CHCHD3: variants seen among roughly 807,000 people sequenced by gnomAD.
CHCHD3 encodes the protein coiled-coil-helix-coiled-coil-helix domain containing 3.
Under a neutral mutation model 38.2 loss-of-function variants are expected in CHCHD3, and 20 were observed. The observed-to-expected ratio is 0.52, with a 90% CI of 0.37 to 0.76. The LOEUF (loss-of-function observed/expected upper bound fraction) is 0.76, where lower values mean the gene tolerates loss of function less well. Ranked by LOEUF, CHCHD3 falls within the 30% of genes least tolerant of loss-of-function variation. CHCHD3 has a pLI of 0.00. For missense variants in CHCHD3, 245 were observed against 279.2 expected (o/e 0.88, Z 0.87); for synonymous variants, 82 against 100.0 (o/e 0.82, Z 1.07).
intron 2 of CHCHD3, among the ~76,000 whole-genome samples, chr7:133,037,723 G>T (rs763076425): frequency 2.0e-5 from 3 of 152,164 alleles, no homozygotes; most frequent in Non-Finnish European, 2.9e-5. Flanking sequence ...TGAGGCAGGA[G>T]AATTGCTCAA....
chr7:132,821,065 A>G (rs1290387644), intron 6 of CHCHD3, among the ~76,000 whole-genome samples: 7 of 152,228 alleles, frequency 4.6e-5, no homozygotes, highest in Admixed American at 4.6e-4. Context: ...CTTTAAACAC[A>G]TGCTTTTAAG....
At chr7:132,902,522 C>T (rs1228362900) in intron 4 of CHCHD3, among the ~76,000 whole-genome samples, 1 of 152,146 alleles carries the variant, frequency 6.6e-6, no homozygotes, top group Admixed American at 6.5e-5. Flanking sequence ...TTTGCTGGGA[C>T]ATGGATGAAG....
chr7:133,048,685 C>T (rs1204010430), intron 2 of CHCHD3, among the ~76,000 whole-genome samples: 1 of 152,120 alleles, frequency 6.6e-6, no homozygotes, highest in Non-Finnish European at 1.5e-5. Flanking sequence ...CCCCCTAAAA[C>T]AATTGAAAAC....
intron 3 of CHCHD3, among the ~76,000 whole-genome samples, chr7:132,990,654 T>A (rs564424981): frequency 6.6e-6 from 1 of 152,140 alleles, no homozygotes; most frequent in Non-Finnish European, 1.5e-5. Context: ...ATCATTTACA[T>A]TGTTTTGCAC....
intron 3 of CHCHD3, among the ~76,000 whole-genome samples, chr7:133,005,826 T>C (rs1029869045): frequency 1.3e-5 from 2 of 152,244 alleles, no homozygotes; most frequent in African/African-American, 2.4e-5. Flanking sequence ...TATACATTTA[T>C]AGATAAGGTG....
chr7:132,946,389 T>C (rs1345658322), intron 4 of CHCHD3, among the ~76,000 whole-genome samples: 1 of 151,840 alleles, frequency 6.6e-6, no homozygotes, highest in Non-Finnish European at 1.5e-5. Flanking sequence ...AATCAGCCAG[T>C]TTTAAACTAC....
chr7:133,027,575 G>A (rs952556600), intron 2 of CHCHD3, among the ~76,000 whole-genome samples: 6 of 152,070 alleles, frequency 3.9e-5, no homozygotes, highest in Admixed American at 2.6e-4. Context: ...CTTTGGGAAA[G>A]GTATTAACCT....
chr7:132,998,743 T>C (rs772055368), intron 3 of CHCHD3, among the ~76,000 whole-genome samples: 1 of 152,166 alleles, frequency 6.6e-6, no homozygotes, highest in Non-Finnish European at 1.5e-5. Context: ...AATAATGACT[T>C]GTCTCCACAT....
intron 5 of CHCHD3, among the ~76,000 whole-genome samples, chr7:132,862,487 G>A (rs1223747558): frequency 2.6e-5 from 4 of 152,206 alleles, no homozygotes; most frequent in African/African-American, 9.6e-5. Context: ...ACTAAAAAAT[G>A]CTAACAATCA....
chr7:132,821,286 A>G (rs1460768744), intron 6 of CHCHD3, among the ~76,000 whole-genome samples: 1 of 152,234 alleles, frequency 6.6e-6, no homozygotes, highest in East Asian at 1.9e-4. Flanking sequence ...TAATTCCAAT[A>G]TAACAGCTCT....
At chr7:132,905,178 C>A (rs1363270818) in intron 4 of CHCHD3, among the ~76,000 whole-genome samples, 1 of 152,072 alleles carries the variant, frequency 6.6e-6, no homozygotes, top group East Asian at 1.9e-4. Flanking sequence ...AGCAAACCAA[C>A]ATGGCACATG....
intron 2 of CHCHD3, among the ~76,000 whole-genome samples, chr7:133,031,919 A>C (rs1207888465): frequency 6.6e-6 from 1 of 152,196 alleles, no homozygotes; most frequent in Non-Finnish European, 1.5e-5. Flanking sequence ...TTATAATTTC[A>C]ATAAATTCAT....
At position 132,859,348 on chromosome 7, in the gene CHCHD3, T is replaced by C. The variant is rs146248374; in HGVS notation, c.454-20879A>G. 3.1e-3 allele frequency among the ~76,000 whole-genome samples: 469 copies of C among 152,344 alleles called. 5 individuals are homozygous for C. The highest frequency in any genetic ancestry group is 0.011 in the African/African-American group (449 of 41,578). ...CAGCTGTCTGTGATGCCTTTGTGGA[T>C]ATCCAGACACTTGTTCTTAAATCTG... On this transcript the variant is annotated intron_variant, in intron 5 of 7. Coordinates refer to ENST00000262570, the MANE Select transcript of CHCHD3 (RefSeq NM_017812.4).
chr7:132,976,453 T>C (rs17166840), intron 3 of CHCHD3, among the ~76,000 whole-genome samples: 9,932 of 152,254 alleles, frequency 0.065, 785 homozygotes, highest in East Asian at 0.21. Flanking sequence ...AAAGATAAAT[T>C]ACTTTGGCAC....
At chr7:132,923,736 CCCA>C (rs1810313097) in intron 4 of CHCHD3, among the ~76,000 whole-genome samples, 1 of 152,040 alleles carries the variant, frequency 6.6e-6, no homozygotes, top group African/African-American at 2.4e-5. Flanking sequence ...GAAGATAGAC[CCCA>C]CCACCAATCT....
At chr7:132,985,891 G>A (rs1205848138) in intron 3 of CHCHD3, among the ~76,000 whole-genome samples, 3 of 119,840 alleles carry the variant, frequency 2.5e-5, no homozygotes, top group East Asian at 2.8e-4. Flanking sequence ...CCACCACCCC[G>A]TCTGGGAGGT....
At chr7:132,795,471 T>TAA (rs1433517967) in intron 7 of CHCHD3, among the ~76,000 whole-genome samples, 4 of 152,224 alleles carry the variant, frequency 2.6e-5, no homozygotes, top group Non-Finnish European at 4.4e-5. Flanking sequence ...CATAGGCTTT[T>TAA]AATAAATCTT....
intron 6 of CHCHD3, among the ~76,000 whole-genome samples, chr7:132,816,883 TAAA>T (rs1807213094): frequency 6.6e-6 from 1 of 152,042 alleles, no homozygotes; most frequent in Admixed American, 6.6e-5. Context: ...TTTCCCTAGA[TAAA>T]GAAGATCCGA....
intron 4 of CHCHD3, among the ~76,000 whole-genome samples, chr7:132,942,103 A>G (rs1320210711): frequency 2.6e-5 from 4 of 152,086 alleles, no homozygotes; most frequent in Non-Finnish European, 4.4e-5. Context: ...CTGGGTCCCT[A>G]TACAATTCTA....
Sources: allele counts gnomAD v4.1 joint callset (sites outside exome capture counted in the v4.1 genomes callset), GRCh38; gene constraint gnomAD v4.1.1; transcripts MANE v1.5; gene names NCBI Gene and HGNC (gene_info 2026-07-23, HGNC 2026-07-21).